MARCHF1: variants seen among roughly 807,000 people sequenced by gnomAD.
MARCHF1 encodes the protein E3 ubiquitin-protein ligase MARCHF1.
A neutral mutation model predicts 54.2 loss-of-function variants in MARCHF1; 40 were observed. The observed-to-expected ratio is 0.74, with a 90% CI of 0.57 to 0.96. The LOEUF (loss-of-function observed/expected upper bound fraction) is 0.96, where lower values mean the gene tolerates loss of function less well. Ranked by LOEUF, MARCHF1 falls within the 40% of genes least tolerant of loss-of-function variation. The pLI is 0.00. For missense variants in MARCHF1, 586 were observed against 656.5 expected (o/e 0.89, Z 1.17); for synonymous variants, 236 against 236.3 (o/e 1.00, Z 0.01).
At chr4:164,097,427 T>G (rs1022688815) in intron 2 of MARCHF1, among the ~76,000 whole-genome samples, 1 of 152,200 alleles carries the variant, frequency 6.6e-6, no homozygotes, top group African/African-American at 2.4e-5. Flanking sequence ...AATTATTTCA[T>G]ACCATATTTT....
intron 2 of MARCHF1, among the ~76,000 whole-genome samples, chr4:164,022,299 G>T (rs1172057036): frequency 6.6e-6 from 1 of 152,160 alleles, no homozygotes; most frequent in African/African-American, 2.4e-5. Context: ...TAACTGGAAG[G>T]ATGACCAGAG....
intron 4 of MARCHF1, among the ~76,000 whole-genome samples, chr4:163,830,991 G>T (rs959206863): frequency 6.6e-6 from 1 of 152,202 alleles, no homozygotes; most frequent in Admixed American, 6.5e-5. Context: ...TATTGGTGGG[G>T]GCTCTTGTTC....
chr4:164,085,659 T>C (rs1755178029), intron 2 of MARCHF1, among the ~76,000 whole-genome samples: 1 of 151,844 alleles, frequency 6.6e-6, no homozygotes, highest in African/African-American at 2.4e-5. Flanking sequence ...AGAGTTTTTG[T>C]GCATTATAAA....
intron 9 of MARCHF1, 29 bp from the exon 10 acceptor site, chr4:163,529,075 C>T (rs757117831): frequency 2.6e-6 from 4 of 1,561,238 alleles, no homozygotes; most frequent in South Asian, 1.2e-5. Context: ...AAAATGTTAT[C>T]ACCAAGTTGT....
chr4:164,112,384 A>G (rs1340080827), intron 1 of MARCHF1, among the ~76,000 whole-genome samples: 1 of 151,930 alleles, frequency 6.6e-6, no homozygotes. Context: ...TTGTGTGTAT[A>G]ATGAGCTGGC....
At chr4:163,821,793 G>GT (rs35402027) in intron 4 of MARCHF1, among the ~76,000 whole-genome samples, 64 of 143,934 alleles carry the variant, frequency 4.4e-4, no homozygotes, top group African/African-American at 1.5e-3. Context: ...GGAAAAGAGG[G>GT]TTTTTTTTTT....
rs542096305 is a variant in MARCHF1 at position 163,788,870 on chromosome 4, T to C, written c.111+65151A>G. On this transcript the variant is annotated intron_variant, in intron 4 of 9. Coordinates refer to ENST00000514618, the MANE Select transcript of MARCHF1 (RefSeq NM_001394959.1). ...TTTAGCAGACAGCAATCTCAACAAA[T>C]TGGTGGAAACATGCTAGAAGCATCA... Among the ~76,000 whole-genome samples the C allele has an allele frequency of 1.2e-4, 18 of 152,124 alleles. 1 individual carries two copies. In the East Asian group the frequency reaches 3.3e-3, roughly 28 times the overall value.
intron 9 of MARCHF1, among the ~76,000 whole-genome samples, chr4:163,543,117 T>C (rs1738775552): frequency 6.6e-6 from 1 of 152,144 alleles, no homozygotes; most frequent in Non-Finnish European, 1.5e-5. Flanking sequence ...CGGTTACCTT[T>C]TAATGGTTAA....
At chr4:163,700,751 A>G (rs1391687275) in intron 5 of MARCHF1, 62 bp downstream of exon 5, 2 of 1,205,920 alleles carry the variant, frequency 1.7e-6, no homozygotes, top group Non-Finnish European at 2.4e-6. Flanking sequence ...AACATTATAA[A>G]CATTTATGTG....
chr4:164,115,174 T>C (rs911980928), intron 1 of MARCHF1, among the ~76,000 whole-genome samples: 1 of 152,074 alleles, frequency 6.6e-6, no homozygotes, highest in Non-Finnish European at 1.5e-5. Flanking sequence ...ACAAAGGGTC[T>C]TATATTTGTT....
intron 3 of MARCHF1, among the ~76,000 whole-genome samples, chr4:163,956,167 G>A (rs977646137): frequency 4.6e-5 from 7 of 152,096 alleles, no homozygotes; most frequent in African/African-American, 1.7e-4. Flanking sequence ...CTCTGTAGTA[G>A]CCTCATAATA....
intron 3 of MARCHF1, among the ~76,000 whole-genome samples, chr4:163,888,618 G>T (rs1440996198): frequency 1.3e-5 from 2 of 152,096 alleles, no homozygotes; most frequent in East Asian, 3.9e-4. Context: ...CTGATAAATT[G>T]CAGTGAGGTT....
chr4:163,904,287 T>C (rs961702758), intron 3 of MARCHF1, among the ~76,000 whole-genome samples: 1 of 152,224 alleles, frequency 6.6e-6, no homozygotes, highest in Non-Finnish European at 1.5e-5. Context: ...CCAGTTAATC[T>C]GCAATTAACT....
intron 4 of MARCHF1, among the ~76,000 whole-genome samples, chr4:163,803,416 G>A (rs192521946): frequency 1.7e-3 from 257 of 149,120 alleles, no homozygotes; most frequent in African/African-American, 6.5e-3. Flanking sequence ...CATATGATCC[G>A]CCCACCGGGG....
chr4:164,321,485 TAA>T lies in MARCHF1; in HGVS notation c.-323+62383_-323+62384del, dbSNP rs11464992. 4.1e-3 allele frequency among the ~76,000 whole-genome samples: 595 copies of T among 145,444 alleles called. 6 individuals carry two copies. The highest frequency in any genetic ancestry group is 0.014 in the African/African-American group (549 of 39,822). Reference sequence around the variant, plus strand: ...TGGCAACATGCCTGAACACCAAGGATAAAAAAAAAAACTATTCCATATACAGA... The same window carrying T: ...TGGCAACATGCCTGAACACCAAGGATAAAAAAAAACTATTCCATATACAGA... On this transcript the variant is annotated intron_variant, in intron 1 of 9. Coordinates refer to ENST00000514618, the MANE Select transcript of MARCHF1 (RefSeq NM_001394959.1).
At chr4:163,886,289 A>T (rs1343201569) in intron 3 of MARCHF1, among the ~76,000 whole-genome samples, 4 of 148,766 alleles carry the variant, frequency 2.7e-5, no homozygotes, top group Non-Finnish European at 5.9e-5. Flanking sequence ...ATATATAGAT[A>T]TATCTCTTAA....
chr4:163,614,844 G>A (rs1388148936), intron 5 of MARCHF1, among the ~76,000 whole-genome samples: 1 of 152,100 alleles, frequency 6.6e-6, no homozygotes, highest in Non-Finnish European at 1.5e-5. Context: ...AGGCAGTAGA[G>A]TTAGTCAGAG....
At chr4:164,096,903 T>C (rs1755426502) in intron 2 of MARCHF1, among the ~76,000 whole-genome samples, 1 of 152,116 alleles carries the variant, frequency 6.6e-6, no homozygotes, top group African/African-American at 2.4e-5. Context: ...TGGTACTATT[T>C]TACTATGCCT....
intron 1 of MARCHF1, among the ~76,000 whole-genome samples, chr4:164,334,510 G>A (rs1189072549): frequency 2.8e-5 from 4 of 144,734 alleles, no homozygotes; most frequent in Admixed American, 7.0e-5. Flanking sequence ...ACCCACTGTT[G>A]AGACCTACTG....
Sources: allele counts gnomAD v4.1 joint callset (sites outside exome capture counted in the v4.1 genomes callset), GRCh38; gene constraint gnomAD v4.1.1; transcripts MANE v1.5; gene names NCBI Gene and HGNC (gene_info 2026-07-23, HGNC 2026-07-21).